The following RC3H2 variants were observed in gnomAD, a reference collection of about 807,000 sequenced individuals.
RC3H2 encodes roquin-2.
RC3H2 carries 31 observed loss-of-function variants against 133.3 expected under a neutral mutation model. That is an observed-to-expected ratio of 0.23 (90% CI 0.17 to 0.31). The LOEUF is 0.31. Ranked by LOEUF, RC3H2 falls within the 10% of genes least tolerant of loss-of-function variation. RC3H2 has a pLI of 1.00. For missense variants in RC3H2, 1,175 were observed against 1,437.2 expected (o/e 0.82, Z 2.95); for synonymous variants, 517 against 502.2 (o/e 1.03, Z -0.40).
chr9:122,858,553 A>G (rs1830335766), intron 12 of RC3H2, 116 bp downstream of exon 12: 4 of 798,992 alleles, frequency 5.0e-6, no homozygotes, highest in African/African-American at 1.7e-5. Context: ...AGGGAGGTCA[A>G]GTAACTTCCT....
chr9:122,859,812 C>A, intron 11 of RC3H2, 105 bp downstream of exon 11: 2 of 985,794 alleles, frequency 2.0e-6, no homozygotes, highest in South Asian at 1.5e-5. Flanking sequence ...GTCACATAGT[C>A]AAAAGGATTA....
chr9:122,871,565 C>G (rs947513797), intron 9 of RC3H2, among the ~76,000 whole-genome samples: 1 of 151,682 alleles, frequency 6.6e-6, no homozygotes, highest in Admixed American at 6.6e-5. Context: ...CCTTGTGATC[C>G]GCCTGCCTCG....
Position 122,849,607 on chromosome 9 carries a change from T to TGG in RC3H2, c.*19_*20insCC. 6.3e-7 allele frequency: 1 copy of TGG among 1,576,952 alleles called. No homozygotes were observed. The highest frequency in any genetic ancestry group is 8.7e-7 in the Non-Finnish European group (1 of 1,151,510). On this transcript the variant is annotated 3_prime_UTR_variant, in exon 21 of 21. Transcript: ENST00000357244. The stretch of plus-strand genomic sequence containing the variant: ...AATGCTTCCATGGTGTGGTCACAAA[T>TGG]TTGAAAGATGAACCTCCTTTCAGCT...
At position 122,897,506 on chromosome 9, in the gene RC3H2, G is replaced by A; in HGVS notation, c.4C>T (p.Pro2Ser). The A allele has an allele frequency of 6.2e-7, 1 of 1,612,416 alleles. No individual in the cohort carries two copies. The highest frequency in any genetic ancestry group is 8.5e-7 in the Non-Finnish European group (1 of 1,178,976). ...TCTGTCCATTGAGCTGCCTGCACAG[G>A]CATTGTGGAAGCTGGATGCTCGGGT... M[P>S]VQAAQWTEFL... The change falls in exon 2 of 21, where the codon CCT becomes TCT. Residue 2 changes from proline to serine, a missense_variant. Physicochemically the swap from Pro to Ser is moderately conservative, Grantham distance 74. Transcript: ENST00000357244.
intron 18 of RC3H2, among the ~76,000 whole-genome samples, chr9:122,851,856 C>A (rs12216917): frequency 6.6e-6 from 1 of 152,234 alleles, no homozygotes; most frequent in Non-Finnish European, 1.5e-5. Flanking sequence ...ACAACCTCCA[C>A]CTCCCAGCCG....
intron 8 of RC3H2, among the ~76,000 whole-genome samples, chr9:122,878,188 A>C (rs1473475861): frequency 1.3e-5 from 2 of 152,232 alleles, no homozygotes; most frequent in Non-Finnish European, 2.9e-5. Flanking sequence ...TTAAGTTATA[A>C]TATCTTCTAA....
intron 18 of RC3H2, among the ~76,000 whole-genome samples, chr9:122,853,122 C>CA (rs1830113216): frequency 6.6e-6 from 1 of 152,124 alleles, no homozygotes; most frequent in Non-Finnish European, 1.5e-5. Flanking sequence ...TGTGTCCACT[C>CA]AGAGTTAAAT....
chr9:122,854,235 G>A lies in RC3H2; in HGVS notation c.2932C>T (p.His978Tyr). Residue 978 changes from histidine to tyrosine, a missense_variant, in exon 17 of 21, where the codon CAT (histidine) becomes TAT (tyrosine). By Grantham distance (83) the His-to-Tyr change is moderately conservative. Coordinates refer to ENST00000357244, the MANE Select transcript of RC3H2 (RefSeq NM_001100588.3). ...TCCCCAGTACTGGAATGCTTTCTATGACCAGATAAATCAGTAACAATGAAT... is the reference window on the plus strand; with the variant it reads ...TCCCCAGTACTGGAATGCTTTCTATAACCAGATAAATCAGTAACAATGAAT... The part of the protein sequence containing the change: ...DRFIVTDLSG[H>Y]RKHSSTGDLL... 2 of 1,613,656 alleles carry A rather than the reference G, an allele frequency of 1.2e-6. No individual in the cohort carries two copies. Among genetic ancestry groups the A allele is most frequent in the Non-Finnish European group, 1.7e-6 (2 of 1,179,802 alleles).
intron 12 of RC3H2, 118 bp from the exon 13 acceptor site, chr9:122,858,211 A>G (rs2131392754): frequency 1.1e-6 from 1 of 891,802 alleles, no homozygotes; most frequent in East Asian, 2.5e-5. Flanking sequence ...ACAGCAGGGA[A>G]AGTCACCCTA....
intron 9 of RC3H2, among the ~76,000 whole-genome samples, chr9:122,868,895 G>GTGTGTGTGTGTT (rs1830916157): frequency 1.0e-5 from 1 of 99,614 alleles, no homozygotes; most frequent in Non-Finnish European, 1.9e-5. Context: ...GTGTGTATGT[G>GTGTGTGTGTGTT]TTTTTTTTTT....
At chr9:122,876,267 A>T (rs1359857466) in intron 9 of RC3H2, among the ~76,000 whole-genome samples, 1 of 152,150 alleles carries the variant, frequency 6.6e-6, no homozygotes, top group South Asian at 2.1e-4. Flanking sequence ...CAGGAGGAGG[A>T]GGTATGGGAG....
intron 9 of RC3H2, among the ~76,000 whole-genome samples, chr9:122,868,098 A>C (rs1214372182): frequency 7.7e-6 from 1 of 130,620 alleles, no homozygotes; most frequent in Non-Finnish European, 1.7e-5. Flanking sequence ...CCGGCCAGCC[A>C]CCCCGTCCAG....
Position 122,861,880 on chromosome 9 carries a change from G to C in RC3H2, c.1635-1749C>G, listed in dbSNP as rs534094677. Among the ~76,000 whole-genome samples the C allele has an allele frequency of 1.7e-3, 254 of 152,302 alleles. 10 individuals are homozygous for C. The South Asian group carries it at 0.051, about 30-fold the overall frequency. On this transcript the variant is annotated intron_variant, in intron 10 of 20. Coordinates refer to ENST00000357244, the MANE Select transcript of RC3H2 (RefSeq NM_001100588.3). ...GTAATAAAAGTAGGTACAAACGTAA[G>C]GGTTTAGAGTATAAAGATATTTTAG...
At chr9:122,860,968 G>A (rs1830432866) in intron 10 of RC3H2, among the ~76,000 whole-genome samples, 1 of 152,108 alleles carries the variant, frequency 6.6e-6, no homozygotes. Flanking sequence ...ACAGCTCCTG[G>A]AACAGAGTAG....
rs1415914972 is a variant in RC3H2 at position 122,846,070 on chromosome 9, T to C, written c.*3557A>G. The C allele has an allele frequency of 3.3e-5, 5 of 152,270 alleles. 1 individual carries two copies. In the South Asian group the frequency reaches 8.3e-4, roughly 25 times the overall value. 9.4% of individuals were successfully genotyped at this position (152,270 alleles called of 1,614,324 possible). On this transcript the variant is annotated 3_prime_UTR_variant, in exon 21 of 21. Coordinates refer to ENST00000357244, the MANE Select transcript of RC3H2 (RefSeq NM_001100588.3). ...TAATGTCTAAAATCCAAAAGCAAACTAGATGGTTTTTAAAATAATTTTTCA... is the reference window on the plus strand; with the variant it reads ...TAATGTCTAAAATCCAAAAGCAAACCAGATGGTTTTTAAAATAATTTTTCA...
intron 9 of RC3H2, chr9:122,875,432 T>C: frequency 2.1e-6 from 3 of 1,452,012 alleles, no homozygotes; most frequent in South Asian, 1.5e-5. Context: ...AAAGGGTTTT[T>C]ATAAATAAAG....
intron 13 of RC3H2, 73 bp downstream of exon 13, chr9:122,857,850 G>C: frequency 7.5e-7 from 1 of 1,336,368 alleles, no homozygotes; most frequent in East Asian, 2.3e-5. Flanking sequence ...AGCTATTCCT[G>C]GTTTGAATGA....
intron 9 of RC3H2, among the ~76,000 whole-genome samples, chr9:122,869,774 T>C (rs1023646810): frequency 6.6e-6 from 1 of 152,108 alleles, no homozygotes; most frequent in African/African-American, 2.4e-5. Context: ...TTCATCATGT[T>C]GGCCAAGCTG....
intron 4 of RC3H2, 179 bp downstream of exon 4, chr9:122,890,133 C>A: frequency 1.6e-6 from 1 of 631,134 alleles, no homozygotes. Flanking sequence ...AGAGTGAGAC[C>A]CTGTCTCAAA....
Sources: gnomAD v4.1 joint callset for allele counts (sites outside exome capture counted in the v4.1 genomes callset) on GRCh38, gnomAD v4.1.1 for gene constraint, MANE v1.5 for transcripts, NCBI Gene and HGNC (gene_info 2026-07-23, HGNC 2026-07-21) for gene names.